PDE6C: variants seen among roughly 807,000 people sequenced by gnomAD.
PDE6C encodes the protein phosphodiesterase 6C.
In PDE6C, 75 loss-of-function variants were observed where a neutral mutation model predicts 113.1. The ratio of observed to expected loss-of-function variants is 0.66; its 90% CI spans 0.55 to 0.80. The LOEUF (loss-of-function observed/expected upper bound fraction) is 0.80. Ranked by LOEUF, PDE6C falls within the 30% of genes least tolerant of loss-of-function variation. PDE6C has a pLI of 0.00. For missense variants in PDE6C, 912 were observed against 1,038.6 expected, an observed-to-expected ratio of 0.88 and a Z score of 1.67; for synonymous variants, 375 against 363.7, an observed-to-expected ratio of 1.03 and a Z score of -0.35.
chr10:93,625,712 C>A (rs1288728639), intron 5 of PDE6C, 63 bp downstream of exon 5: 4 of 1,123,486 alleles, frequency 3.6e-6, no homozygotes, highest in Non-Finnish European at 4.1e-6. Flanking sequence ...AATTAAGAGG[C>A]CACAGTGCAT....
intron 15 of PDE6C, among the ~76,000 whole-genome samples, chr10:93,653,814 A>G (rs1040955518): frequency 1.3e-5 from 2 of 152,214 alleles, no homozygotes; most frequent in African/African-American, 4.8e-5. Context: ...ATGTTGACAA[A>G]ACAAATCACA....
intron 12 of PDE6C, 72 bp from the exon 13 acceptor site, chr10:93,640,378 G>A (rs1157057977): frequency 7.6e-7 from 1 of 1,311,564 alleles, no homozygotes; most frequent in African/African-American, 1.4e-5. Context: ...CATCTTTTTA[G>A]ATAAGATTGC....
intron 10 of PDE6C, among the ~76,000 whole-genome samples, chr10:93,636,372 G>GTC (rs2058530514): frequency 7.1e-6 from 1 of 140,692 alleles, no homozygotes; most frequent in Non-Finnish European, 1.5e-5. Flanking sequence ...CTGGCTTTGT[G>GTC]TGTGTGTGTG....
chr10:93,653,013 T>C (rs2058616562), intron 15 of PDE6C, among the ~76,000 whole-genome samples: 1 of 152,206 alleles, frequency 6.6e-6, no homozygotes, highest in Non-Finnish European at 1.5e-5. Flanking sequence ...TTTCCTAGTA[T>C]AGCAATCAAG....
chr10:93,660,990 C>T (rs1351369674), intron 18 of PDE6C, among the ~76,000 whole-genome samples: 2 of 152,120 alleles, frequency 1.3e-5, no homozygotes, highest in Admixed American at 6.6e-5. Flanking sequence ...CAACTTCTTT[C>T]CCAAAGAAGT....
intron 14 of PDE6C, 51 bp downstream of exon 14, chr10:93,641,080 T>A: frequency 1.8e-6 from 2 of 1,118,770 alleles, no homozygotes; most frequent in Non-Finnish European, 2.7e-6. Flanking sequence ...CATTGGAAAG[T>A]ACTTAGGGTG....
chr10:93,640,600 C>T, intron 13 of PDE6C, 43 bp downstream of exon 13: 1 of 1,288,682 alleles, frequency 7.8e-7, no homozygotes, highest in South Asian at 1.2e-5. Context: ...CTGCAGATTT[C>T]CCATTTGAGC....
chr10:93,657,624 T>C (rs1256827448), intron 16 of PDE6C, among the ~76,000 whole-genome samples: 1 of 152,194 alleles, frequency 6.6e-6, no homozygotes, highest in Non-Finnish European at 1.5e-5. Flanking sequence ...CCATTTTAAC[T>C]GAATAGAGTA....
chr10:93,621,040 G>C, intron 3 of PDE6C, 60 bp downstream of exon 3: 2 of 1,401,946 alleles, frequency 1.4e-6, no homozygotes, highest in East Asian at 2.3e-5. Context: ...GCCGCCCAGA[G>C]ACAACAAATT....
At chr10:93,648,118 T>C (rs2058592997) in intron 15 of PDE6C, among the ~76,000 whole-genome samples, 1 of 152,220 alleles carries the variant, frequency 6.6e-6, no homozygotes, top group Non-Finnish European at 1.5e-5. Flanking sequence ...CCTAGTTTCT[T>C]AAATGTTTTT....
At chr10:93,639,950 C>A in intron 11 of PDE6C, 120 bp from the exon 12 acceptor site, 1 of 1,000,968 alleles carries the variant, frequency 1.0e-6, no homozygotes, top group Non-Finnish European at 1.6e-6. Context: ...CATGGTGGTT[C>A]AGTGAATCAC....
At chr10:93,639,370 A>G (rs761011883) in intron 11 of PDE6C, among the ~76,000 whole-genome samples, 20 of 152,196 alleles carry the variant, frequency 1.3e-4, no homozygotes, top group Non-Finnish European at 2.1e-4. Flanking sequence ...CAAGATACAT[A>G]TTTTTATTTC....
chr10:93,656,331 A>G (rs1267817806), intron 16 of PDE6C, among the ~76,000 whole-genome samples: 1 of 152,162 alleles, frequency 6.6e-6, no homozygotes, highest in East Asian at 1.9e-4. Flanking sequence ...ACATTAACCA[A>G]ACTTACAAAA....
In PDE6C at chr10:93,647,530, A is replaced by C. The variant is rs568552835; in HGVS notation, c.1935+1483A>C. The stretch of plus-strand genomic sequence containing the variant: ...TGACACAGCACCCAACACCATTGCC[A>C]TCCCAGACCTGCTGTGGCATTTCTA... On this transcript the variant is annotated intron_variant, in intron 15 of 21. Transcript: ENST00000371447. Among the ~76,000 whole-genome samples the C allele has an allele frequency of 2.0e-5, 3 of 152,330 alleles. No homozygotes were observed. In the South Asian group the frequency reaches 6.2e-4, roughly 32 times the overall value.
chr10:93,640,148 T>C lies in PDE6C; in HGVS notation c.1561T>C (p.Leu521=), dbSNP rs759484940. 19 of 1,613,726 alleles carry C rather than the reference T, an allele frequency of 1.2e-5. No homozygotes were observed. In the South Asian group the frequency reaches 1.4e-4, roughly 12 times the overall value. Reference sequence around the variant, plus strand: ...TGACTTCCCCCTTACAGAGCACGGATTGATTAAATGTGGAATACGACTGTT... The same window carrying C: ...TGACTTCCCCCTTACAGAGCACGGACTGATTAAATGTGGAATACGACTGTT... The part of the protein sequence containing the change: ...FSDFPLTEHG[L]IKCGIRLFFE... Residue 521 remains leucine (L), a synonymous_variant, in exon 12 of 22, where the codon TTG becomes CTG. Transcript: ENST00000371447.
intron 21 of PDE6C, among the ~76,000 whole-genome samples, 156 bp from the exon 22 acceptor site, chr10:93,665,204 T>C (rs1307502847): frequency 6.6e-6 from 1 of 152,164 alleles, no homozygotes. Flanking sequence ...ACTCTGAATA[T>C]TAATTCAAGT....
chr10:93,663,935 CTA>C (rs2058678230), intron 21 of PDE6C, among the ~76,000 whole-genome samples: 1 of 152,150 alleles, frequency 6.6e-6, no homozygotes, highest in African/African-American at 2.4e-5. Context: ...GAAATCATCT[CTA>C]TGTGGAAAGG....
rs1458608835 is a variant in PDE6C at position 93,655,713 on chromosome 10, A to C, written c.1936-47A>C. On this transcript the variant is annotated intron_variant, in intron 15 of 21. Transcript: ENST00000371447. ...TTGTTAAGCATAGTTTCATTTGTTC[A>C]GAGGCAAATTATTGATAGCATTTTA... 14 of 924,050 alleles carry C rather than the reference A, an allele frequency of 1.5e-5. No individual in the cohort carries two copies. In the South Asian group the frequency reaches 1.5e-4, roughly 10 times the overall value. The allele number at this position is 924,050 out of a possible 1,614,324, so 57.2% of individuals were successfully genotyped here.
chr10:93,628,040 G>A (rs2058482263), intron 7 of PDE6C, among the ~76,000 whole-genome samples: 1 of 152,174 alleles, frequency 6.6e-6, no homozygotes, highest in South Asian at 2.1e-4. Flanking sequence ...TGAGCAAGTT[G>A]TTAAACTGTT....
Sources: allele counts gnomAD v4.1 joint callset (sites outside exome capture counted in the v4.1 genomes callset), GRCh38; gene constraint gnomAD v4.1.1; transcripts MANE v1.5; gene names NCBI Gene and HGNC (gene_info 2026-07-23, HGNC 2026-07-21).